Variants in NR3C2 observed in about 807,000 individuals in gnomAD.
NR3C2 encodes nuclear receptor subfamily 3 group C member 2, also known as mineralocorticoid receptor.
In NR3C2, 15 loss-of-function variants were observed where a neutral mutation model predicts 86.4. The ratio of observed to expected loss-of-function variants is 0.17; its 90% CI spans 0.12 to 0.27. The LOEUF is 0.27. NR3C2 is among the 10% of genes least tolerant of loss of function. The pLI is 1.00. For synonymous variants in NR3C2, 458 were observed against 450.5 expected (o/e 1.02, Z -0.21); for missense variants, 960 against 1,195.6 (o/e 0.80, Z 2.91).
At chr4:148,242,209 G>A (rs529624682) in intron 3 of NR3C2, among the ~76,000 whole-genome samples, 1 of 152,260 alleles carries the variant, frequency 6.6e-6, no homozygotes, top group South Asian at 2.1e-4. Context: ...AATCTAATGT[G>A]TATTTTATCA....
chr4:148,231,440 C>T (rs1469335111), intron 3 of NR3C2, among the ~76,000 whole-genome samples: 1 of 152,106 alleles, frequency 6.6e-6, no homozygotes, highest in African/African-American at 2.4e-5. Flanking sequence ...TTTCCCAGTG[C>T]ATATTATGTT....
chr4:148,105,145 T>A (rs1411236491), intron 8 of NR3C2, among the ~76,000 whole-genome samples: 1 of 152,186 alleles, frequency 6.6e-6, no homozygotes, highest in Non-Finnish European at 1.5e-5. Flanking sequence ...AAGCACCCAC[T>A]AATTATATGA....
chr4:148,367,462 G>C (rs1477099681), intron 2 of NR3C2, among the ~76,000 whole-genome samples: 1 of 152,054 alleles, frequency 6.6e-6, no homozygotes, highest in Non-Finnish European at 1.5e-5. Context: ...AAAAGTCATG[G>C]TATTAAAATT....
At chr4:148,082,665 G>GTTT (rs11381991) in intron 8 of NR3C2, among the ~76,000 whole-genome samples, 2,810 of 130,884 alleles carry the variant, frequency 0.021, 100 homozygotes, top group African/African-American at 0.053. Context: ...GCTAGCTGCA[G>GTTT]TTTTTTTTTT....
chr4:148,327,660 G>A (rs902567719), intron 2 of NR3C2, among the ~76,000 whole-genome samples: 1 of 152,182 alleles, frequency 6.6e-6, no homozygotes, highest in African/African-American at 2.4e-5. Context: ...CTTGAACAAA[G>A]GGCTTGAACA....
chr4:148,088,824 C>A (rs6535578), intron 8 of NR3C2, among the ~76,000 whole-genome samples: 103,410 of 151,950 alleles, frequency 0.68, 35,363 homozygotes, highest in East Asian at 0.81. Context: ...ACTTTAATAA[C>A]AATTATAAAT....
intron 8 of NR3C2, among the ~76,000 whole-genome samples, chr4:148,094,449 C>G (rs374917478): frequency 2.0e-5 from 3 of 152,172 alleles, no homozygotes; most frequent in East Asian, 3.9e-4. Flanking sequence ...GCATGGGGCC[C>G]ACGCCTGTAA....
chr4:148,189,301 A>AT (rs912874790), intron 4 of NR3C2, among the ~76,000 whole-genome samples: 16 of 152,086 alleles, frequency 1.1e-4, no homozygotes, highest in African/African-American at 2.7e-4. Flanking sequence ...TGATCATGTG[A>AT]TTTTTTTGTT....
At chr4:148,145,495 T>C (rs1733825380) in intron 6 of NR3C2, among the ~76,000 whole-genome samples, 1 of 152,216 alleles carries the variant, frequency 6.6e-6, no homozygotes, top group African/African-American at 2.4e-5. Flanking sequence ...TCATTCCTGC[T>C]CAAAGCTTTT....
chr4:148,435,071 T>A, intron 2 of NR3C2, 33 bp downstream of exon 2: 2 of 1,606,968 alleles, frequency 1.2e-6, no homozygotes, highest in Non-Finnish European at 1.7e-6. Context: ...TATAAAGCCA[T>A]GACTTCCAAA....
chr4:148,335,624 T>C (rs554705251), intron 2 of NR3C2, among the ~76,000 whole-genome samples: 143 of 152,306 alleles, frequency 9.4e-4, no homozygotes, highest in African/African-American at 3.3e-3. Context: ...TGAATATTCA[T>C]TATTTTTAAA....
At chr4:148,442,884 A>G (rs1750423521), upstream of NR3C2, 1 of 985,248 alleles carries the variant, frequency 1.0e-6, no homozygotes, top group South Asian at 4.7e-5. Flanking sequence ...AGATGTGAAA[A>G]GTGTGCTGAC....
At chr4:148,395,562 A>C (rs1747817703) in intron 2 of NR3C2, among the ~76,000 whole-genome samples, 1 of 152,250 alleles carries the variant, frequency 6.6e-6, no homozygotes, top group Non-Finnish European at 1.5e-5. Context: ...TGATTGAAGC[A>C]GATAATACCA....
intron 2 of NR3C2, among the ~76,000 whole-genome samples, chr4:148,373,937 A>G (rs1213427766): frequency 2.0e-5 from 3 of 152,216 alleles, no homozygotes; most frequent in African/African-American, 7.2e-5. Context: ...GAGTTATCCT[A>G]GGAATGAAAA....
At chr4:148,129,266 G>A (rs1016304148) in intron 6 of NR3C2, among the ~76,000 whole-genome samples, 6 of 152,138 alleles carry the variant, frequency 3.9e-5, no homozygotes, top group African/African-American at 7.2e-5. Context: ...ACGCCTGTCA[G>A]AAAAAGACAA....
At chr4:148,430,339 A>G (rs948233331) in intron 2 of NR3C2, among the ~76,000 whole-genome samples, 3 of 152,092 alleles carry the variant, frequency 2.0e-5, no homozygotes, top group African/African-American at 7.2e-5. Flanking sequence ...TGACATATAA[A>G]CCTACGATAT....
chr4:148,409,176 G>A (rs1208973570), intron 2 of NR3C2, among the ~76,000 whole-genome samples: 1 of 152,172 alleles, frequency 6.6e-6, no homozygotes, highest in African/African-American at 2.4e-5. Flanking sequence ...TCCCAGTTTA[G>A]ACTGTCATTA....
At chr4:148,437,090 G>T (rs1202488069) in intron 1 of NR3C2, among the ~76,000 whole-genome samples, 3 of 152,156 alleles carry the variant, frequency 2.0e-5, no homozygotes, top group Admixed American at 2.0e-4. Context: ...AACTGTTTTG[G>T]ATCTAAATAA....
intron 2 of NR3C2, among the ~76,000 whole-genome samples, chr4:148,396,728 G>A (rs1747879630): frequency 6.6e-6 from 1 of 152,094 alleles, no homozygotes; most frequent in Non-Finnish European, 1.5e-5. Flanking sequence ...CCATTTTAAT[G>A]TATTTCATGA....
Sources: gnomAD v4.1 joint callset for allele counts (sites outside exome capture counted in the v4.1 genomes callset) on GRCh38, gnomAD v4.1.1 for gene constraint, MANE v1.5 for transcripts, NCBI Gene and HGNC (gene_info 2026-07-23, HGNC 2026-07-21) for gene names.